The following PPP4R4 variants were observed in gnomAD, a reference collection of about 807,000 sequenced individuals.
The protein encoded by PPP4R4 is protein phosphatase 4 regulatory subunit 4.
PPP4R4 carries 70 observed loss-of-function variants against 121.8 expected under a neutral mutation model. That is an observed-to-expected ratio of 0.57 (90% CI 0.47 to 0.70). The LOEUF (loss-of-function observed/expected upper bound fraction) is 0.70, where lower values mean the gene tolerates loss of function less well. PPP4R4 is among the 30% of genes least tolerant of loss of function. PPP4R4 has a pLI of 0.00. For missense variants in PPP4R4, 875 were observed against 1,033.6 expected, an observed-to-expected ratio of 0.85 and a Z score of 2.10; for synonymous variants, 348 against 355.7, an observed-to-expected ratio of 0.98 and a Z score of 0.24.
chr14:94,242,621 A>T lies in PPP4R4; in HGVS notation c.1266+213A>T, dbSNP rs10129921. Among the ~76,000 whole-genome samples, 302 of 152,156 alleles carry T rather than the reference A, an allele frequency of 2.0e-3. 1 individual carries two copies. Among genetic ancestry groups the T allele is most frequent in the African/African-American group, 6.9e-3 (288 of 41,528 alleles). On this transcript the variant is annotated intron_variant, in intron 11 of 24. Transcript: ENST00000304338. ...ATACATTATATTTGTGTATTCTTTT[A>T]TTAACCCATTCATTCAGCATATCTA...
At chr14:94,194,210 T>A (rs1005397083) in intron 2 of PPP4R4, among the ~76,000 whole-genome samples, 1 of 152,230 alleles carries the variant, frequency 6.6e-6, no homozygotes, top group African/African-American at 2.4e-5. Context: ...AGTCTTGTTT[T>A]TTTCAGCTTT....
Position 94,256,526 on chromosome 14 carries a change from A to T in PPP4R4, c.1932A>T (p.Leu644=). 6.2e-7 allele frequency: 1 copy of T among 1,600,706 alleles called. No homozygotes were observed. Among genetic ancestry groups the T allele is most frequent in the Non-Finnish European group, 8.6e-7 (1 of 1,168,480 alleles). Reference sequence around the variant, plus strand: ...TGAAGATTCCTGCTGATAAGCATCTACTTCAGCAGTTAGAAATGTGTGTGA... The same window carrying T: ...TGAAGATTCCTGCTGATAAGCATCTTCTTCAGCAGTTAGAAATGTGTGTGA... ...STLKIPADKH[L]LQQLEMCVRK... The change falls in exon 17 of 25, where the codon CTA becomes CTT. Residue 644 remains leucine, a synonymous_variant. Transcript: ENST00000304338.
chr14:94,216,584 G>C (rs570663072), intron 3 of PPP4R4, among the ~76,000 whole-genome samples: 1 of 152,282 alleles, frequency 6.6e-6, no homozygotes, highest in Admixed American at 6.5e-5. Flanking sequence ...CAGGAGATTG[G>C]AGAGCATCTC....
At chr14:94,207,666 T>C (rs1205887726) in intron 2 of PPP4R4, among the ~76,000 whole-genome samples, 1 of 151,682 alleles carries the variant, frequency 6.6e-6, no homozygotes, top group African/African-American at 2.4e-5. Context: ...GGTGATGCCA[T>C]GTTTATTAGC....
At chr14:94,243,556 A>T (rs971321419) in intron 11 of PPP4R4, among the ~76,000 whole-genome samples, 1 of 152,148 alleles carries the variant, frequency 6.6e-6, no homozygotes, top group Non-Finnish European at 1.5e-5. Flanking sequence ...TTTAATATTT[A>T]ATTTTATTTA....
Position 94,278,769 on chromosome 14 carries a change from T to C in PPP4R4, c.*126T>C. The stretch of plus-strand genomic sequence containing the variant: ...GGGTTTTTTTTTTTGTTGTTGTTAA[T>C]GAGCAGAAAGAGAGACATAATGACA... On this transcript the variant is annotated 3_prime_UTR_variant, in exon 25 of 25. Coordinates refer to ENST00000304338, the MANE Select transcript of PPP4R4 (RefSeq NM_058237.2). The C allele has an allele frequency of 2.2e-6, 2 of 895,922 alleles. No homozygotes were observed. Among genetic ancestry groups the C allele is most frequent in the Non-Finnish European group, 3.1e-6 (2 of 635,076 alleles). The allele number at this position is 895,922 out of a possible 1,614,324, so 55.5% of individuals were successfully genotyped here.
intron 22 of PPP4R4, among the ~76,000 whole-genome samples, chr14:94,266,630 G>A (rs1894065665): frequency 6.6e-6 from 1 of 152,088 alleles, no homozygotes. Context: ...TACCTGGCCA[G>A]TAGAGTGATC....
In PPP4R4 at chr14:94,186,640, A is replaced by T. The variant is rs918931344; in HGVS notation, c.191+10513A>T. Reference sequence around the variant, plus strand: ...CATCGAATTGCTGGACCATATAGTAAATATATGTTTATACCTTTAAGAAAC... The same window carrying T: ...CATCGAATTGCTGGACCATATAGTATATATATGTTTATACCTTTAAGAAAC... On this transcript the variant is annotated intron_variant, in intron 2 of 24. Coordinates refer to ENST00000304338, the MANE Select transcript of PPP4R4 (RefSeq NM_058237.2). Among the ~76,000 whole-genome samples, 7 of 152,272 alleles carry T rather than the reference A, an allele frequency of 4.6e-5. No homozygotes were observed. In the South Asian group the frequency reaches 6.2e-4, roughly 14 times the overall value.
intron 24 of PPP4R4, among the ~76,000 whole-genome samples, chr14:94,275,760 A>G (rs950502621): frequency 1.3e-5 from 2 of 152,242 alleles, no homozygotes; most frequent in African/African-American, 4.8e-5. Context: ...AATGGCTCCC[A>G]CTAATGTCTG....
rs146647817 is a variant in PPP4R4 at position 94,224,982 on chromosome 14, G to A, written c.295-5605G>A. 5.4e-3 allele frequency among the ~76,000 whole-genome samples: 826 copies of A among 152,168 alleles called. 6 individuals carry two copies. Among genetic ancestry groups the A allele is most frequent in the Middle Eastern group, 0.01 (3 of 294 alleles). On this transcript the variant is annotated intron_variant, in intron 3 of 24. Coordinates refer to ENST00000304338, the MANE Select transcript of PPP4R4 (RefSeq NM_058237.2). The stretch of plus-strand genomic sequence containing the variant: ...TTTTAGGTTCTTGATTACTTCTAAC[G>A]TATTGTTAGAAAACAATCAGTTGAT...
At chr14:94,251,715 A>G in intron 15 of PPP4R4, 34 bp from the exon 16 acceptor site, 2 of 1,466,508 alleles carry the variant, frequency 1.4e-6, no homozygotes, top group Middle Eastern at 2.5e-4. Context: ...TATAGGAAAA[A>G]TTAACTTAAG....
chr14:94,275,992 A>T (rs1482561088), intron 24 of PPP4R4, among the ~76,000 whole-genome samples: 3 of 152,166 alleles, frequency 2.0e-5, no homozygotes, highest in Admixed American at 1.3e-4. Flanking sequence ...CTTGAAGCTG[A>T]GGTTATAAAG....
intron 1 of PPP4R4, chr14:94,175,477 G>A (rs111329361): frequency 0.019 from 2,896 of 152,776 alleles, 87 homozygotes; most frequent in African/African-American, 0.066. Flanking sequence ...AGCAAACCTA[G>A]TTTACGGACC....
At chr14:94,224,022 G>A (rs967965705) in intron 3 of PPP4R4, among the ~76,000 whole-genome samples, 1 of 152,128 alleles carries the variant, frequency 6.6e-6, no homozygotes, top group African/African-American at 2.4e-5. Flanking sequence ...TAGTTCTTAA[G>A]CTTCCTTATT....
intron 14 of PPP4R4, among the ~76,000 whole-genome samples, chr14:94,248,582 C>T (rs983687192): frequency 2.0e-5 from 3 of 152,118 alleles, no homozygotes; most frequent in African/African-American, 7.2e-5. Flanking sequence ...GAATAGCCAG[C>T]GCAATCTTCA....
rs147931287 is a variant in PPP4R4 at position 94,199,815 on chromosome 14, C to T, written c.192-8649C>T. Among the ~76,000 whole-genome samples, 175 of 152,286 alleles carry T rather than the reference C, an allele frequency of 1.1e-3. 1 individual carries two copies. The highest frequency in any genetic ancestry group is 2.3e-3 in the Non-Finnish European group (155 of 68,026). On this transcript the variant is annotated intron_variant, in intron 2 of 24. Coordinates refer to ENST00000304338, the MANE Select transcript of PPP4R4 (RefSeq NM_058237.2). ...ATGCGGATGCGCTCCTCTTGACGGC[C>T]TCTTAACATCTAGCTGCGTGTGTTT...
At chr14:94,245,345 G>A (rs1595519484) in intron 12 of PPP4R4, among the ~76,000 whole-genome samples, 1 of 152,132 alleles carries the variant, frequency 6.6e-6, no homozygotes, top group East Asian at 1.9e-4. Context: ...CTCAGATTTA[G>A]ACTATTTGGA....
intron 15 of PPP4R4, 40 bp from the exon 16 acceptor site, chr14:94,251,709 G>A: frequency 6.9e-7 from 1 of 1,442,378 alleles, no homozygotes; most frequent in African/African-American, 1.4e-5. Context: ...ATTTCATATA[G>A]GAAAAATTAA....
At chr14:94,191,039 T>C (rs1889569391) in intron 2 of PPP4R4, among the ~76,000 whole-genome samples, 1 of 152,232 alleles carries the variant, frequency 6.6e-6, no homozygotes, top group Non-Finnish European at 1.5e-5. Context: ...TCAAAGTTAA[T>C]ATCAAATGTA....
Sources: gnomAD v4.1 joint callset for allele counts (sites outside exome capture counted in the v4.1 genomes callset) on GRCh38, gnomAD v4.1.1 for gene constraint, MANE v1.5 for transcripts, NCBI Gene and HGNC (gene_info 2026-07-23, HGNC 2026-07-21) for gene names.